AHI1: variants seen among roughly 807,000 people sequenced by gnomAD.
AHI1 encodes jouberin.
AHI1 carries 123 observed loss-of-function variants against 149.3 expected under a neutral mutation model. That is an observed-to-expected ratio of 0.82 (90% CI 0.71 to 0.96). The LOEUF is 0.96. Among genes scored for constraint, AHI1 ranks in the 40% least tolerant of loss-of-function variants. The probability of loss-of-function intolerance (pLI) is 0.00; values close to 1 mark genes in which losing one functional copy is unlikely to be tolerated. For synonymous variants in AHI1, 475 were observed against 459.8 expected (o/e 1.03, Z -0.42); for missense variants, 1,439 against 1,422.7 (o/e 1.01, Z -0.18).
rs752999247 is a variant in AHI1, at chr6:135,438,326, T to G, written c.2036+49A>C. 5.4e-6 allele frequency: 8 copies of G among 1,479,792 alleles called. No homozygotes were observed. In the South Asian group the frequency reaches 1.2e-4, roughly 23 times the overall value. 91.7% of individuals were successfully genotyped at this position (1,479,792 alleles called of 1,614,324 possible). On this transcript the variant is annotated intron_variant, in intron 15 of 28. Transcript: ENST00000265602. ...ACATCAGTTTATATTCTCTTTGCTT[T>G]CCTTGACAGCAAACAGCATGCACAT...
At chr6:135,450,962 G>A (rs1419241803) in intron 11 of AHI1, among the ~76,000 whole-genome samples, 1 of 151,668 alleles carries the variant, frequency 6.6e-6, no homozygotes, top group East Asian at 1.9e-4. Flanking sequence ...CAACAGGATA[G>A]GTAATAAAAG....
intron 5 of AHI1, among the ~76,000 whole-genome samples, chr6:135,482,894 C>CTTTTT (rs761997683): frequency 0.025 from 1,407 of 55,684 alleles, 387 homozygotes; most frequent in African/African-American, 0.031. Context: ...CCATTTAAGG[C>CTTTTT]TTTTTTTTTT....
chr6:135,490,512 T>C, intron 5 of AHI1, 111 bp downstream of exon 5: 1 of 1,230,712 alleles, frequency 8.1e-7, no homozygotes, highest in Non-Finnish European at 1.2e-6. Flanking sequence ...CATGACATAG[T>C]GTTACTGTTT....
chr6:135,423,253 G>A (rs1258000072), intron 20 of AHI1, among the ~76,000 whole-genome samples: 1 of 152,078 alleles, frequency 6.6e-6, no homozygotes, highest in East Asian at 1.9e-4. Flanking sequence ...TACTGATGAT[G>A]CCTCTCAGCA....
intron 8 of AHI1, among the ~76,000 whole-genome samples, chr6:135,460,374 G>C (rs1166435829): frequency 6.6e-6 from 1 of 152,156 alleles, no homozygotes; most frequent in East Asian, 1.9e-4. Flanking sequence ...GAGAGATTCT[G>C]CTGAAATGTA....
At chr6:135,364,298 G>C (rs1794530530) in intron 23 of AHI1, among the ~76,000 whole-genome samples, 1 of 151,800 alleles carries the variant, frequency 6.6e-6, no homozygotes, top group East Asian at 2.0e-4. Flanking sequence ...ACGATGGGCG[G>C]CCGGGCAGAG....
rs377186905 is a variant in AHI1 at position 135,446,957 on chromosome 6, T to C, written c.1779+51A>G. 3.9e-6 allele frequency: 6 copies of C among 1,540,570 alleles called. No homozygotes were observed. The African/African-American group carries it at 8.3e-5, about 21-fold the overall frequency. The stretch of plus-strand genomic sequence containing the variant: ...ATATCCTAGGAGTTATTGGAGTTTT[T>C]AAGGTAATAAGTAAACATCTAAATA... On this transcript the variant is annotated intron_variant, in intron 13 of 28. Transcript: ENST00000265602.
intron 20 of AHI1, among the ~76,000 whole-genome samples, chr6:135,424,873 A>G (rs1783715830): frequency 1.3e-5 from 2 of 151,910 alleles, no homozygotes; most frequent in Non-Finnish European, 2.9e-5. Flanking sequence ...TTTGAATTTT[A>G]TACTATTAAA....
chr6:135,364,136 A>G (rs868578270), intron 23 of AHI1, among the ~76,000 whole-genome samples: 1,766 of 146,736 alleles, frequency 0.012, 33 homozygotes, highest in African/African-American at 0.042. Context: ...CTTCCCAGAC[A>G]GGGTGGCTGC....
intron 23 of AHI1, among the ~76,000 whole-genome samples, chr6:135,377,377 C>G (rs929974870): frequency 6.6e-6 from 1 of 152,058 alleles, no homozygotes; most frequent in East Asian, 1.9e-4. Flanking sequence ...CCTGAATAGA[C>G]GATTATCTTA....
chr6:135,311,487 A>C (rs11154798), intron 26 of AHI1, among the ~76,000 whole-genome samples: 90,542 of 151,858 alleles, frequency 0.6, 27,024 homozygotes, highest in Middle Eastern at 0.65. Context: ...ACAGAAGACT[A>C]ATTTTTCGTT....
chr6:135,298,870 A>T (rs926393823), intron 27 of AHI1, among the ~76,000 whole-genome samples: 1 of 152,182 alleles, frequency 6.6e-6, no homozygotes, highest in African/African-American at 2.4e-5. Context: ...AGTGAGGAGT[A>T]TGTAGGAGAC....
intron 27 of AHI1, among the ~76,000 whole-genome samples, chr6:135,293,815 A>G (rs1782711822): frequency 6.6e-6 from 1 of 152,244 alleles, no homozygotes; most frequent in Non-Finnish European, 1.5e-5. Context: ...CCAAATTAGT[A>G]TCTGGATTAA....
chr6:135,424,755 C>T (rs1187793696), intron 20 of AHI1, among the ~76,000 whole-genome samples: 1 of 151,868 alleles, frequency 6.6e-6, no homozygotes, highest in Non-Finnish European at 1.5e-5. Flanking sequence ...GTCTCATTCA[C>T]AACTTGTTTA....
intron 8 of AHI1, among the ~76,000 whole-genome samples, chr6:135,459,405 G>C (rs1193038313): frequency 6.6e-6 from 1 of 151,918 alleles, no homozygotes; most frequent in Non-Finnish European, 1.5e-5. Context: ...TATAAAAGAA[G>C]ACTGAAATCT....
chr6:135,411,792 CTAACTT>C (rs1472335086), intron 20 of AHI1, among the ~76,000 whole-genome samples: 1 of 151,992 alleles, frequency 6.6e-6, no homozygotes, highest in Non-Finnish European at 1.5e-5. Flanking sequence ...GGATGGGAGA[CTAACTT>C]TAAATATATG....
intron 5 of AHI1, among the ~76,000 whole-genome samples, chr6:135,477,800 C>T (rs1018226351): frequency 2.0e-5 from 3 of 152,026 alleles, no homozygotes; most frequent in Non-Finnish European, 2.9e-5. Context: ...AGTAATTAAA[C>T]CTCTTTTCTC....
chr6:135,431,223 G>A lies in AHI1; in HGVS notation c.2358C>T (p.His786=). 6.3e-7 allele frequency: 1 copy of A among 1,594,626 alleles called. No homozygotes were observed. ...GATTTTATACCTTATTTATAGTCCA[G>A]TGGTGCACTGAATGTTCCAAATCAT... ...KINDLEHSVH[H]WTINKEIKET... The change falls in exon 17 of 29, where the codon CAC becomes CAT. Residue 786 remains histidine (H), a synonymous_variant. Coordinates refer to ENST00000265602, the MANE Select transcript of AHI1 (RefSeq NM_001134831.2).
intron 8 of AHI1, 82 bp from the exon 9 acceptor site, chr6:135,457,795 T>C: frequency 3.1e-6 from 4 of 1,291,392 alleles, no homozygotes; most frequent in Admixed American, 1.7e-5. Flanking sequence ...CTTTAAGATC[T>C]GTGATGATCT....
Sources: gnomAD v4.1 joint callset for allele counts (sites outside exome capture counted in the v4.1 genomes callset) on GRCh38, gnomAD v4.1.1 for gene constraint, MANE v1.5 for transcripts, NCBI Gene and HGNC (gene_info 2026-07-23, HGNC 2026-07-21) for gene names.